The following ARHGEF4 variants were observed in gnomAD, a reference collection of about 807,000 sequenced individuals.
ARHGEF4 encodes APC-stimulated guanine nucleotide exchange factor 1.
In ARHGEF4, 119 loss-of-function variants were observed where a neutral mutation model predicts 162.0. The observed-to-expected ratio is 0.73, with a 90% CI of 0.63 to 0.86. The LOEUF is 0.86. Among genes scored for constraint, ARHGEF4 ranks in the 40% least tolerant of loss-of-function variants. ARHGEF4 has a pLI of 0.00. For missense variants in ARHGEF4, 2,488 were observed against 2,456.0 expected (o/e 1.01, Z -0.28); for synonymous variants, 1,014 against 979.9 (o/e 1.03, Z -0.65).
intron 1 of ARHGEF4, among the ~76,000 whole-genome samples, chr2:130,842,996 C>G (rs1680710430): frequency 6.6e-6 from 1 of 152,180 alleles, no homozygotes; most frequent in Admixed American, 6.5e-5. Context: ...TCTAGTGTCT[C>G]TTGTAGGCGG....
intron 1 of ARHGEF4, among the ~76,000 whole-genome samples, chr2:130,840,193 CACAG>C (rs1395374856): frequency 6.6e-6 from 1 of 152,102 alleles, no homozygotes; most frequent in Admixed American, 6.5e-5. Context: ...CAGGCACACA[CACAG>C]ACACACAGGT....
At chr2:130,856,724 A>G (rs1681812126) in intron 1 of ARHGEF4, among the ~76,000 whole-genome samples, 1 of 152,246 alleles carries the variant, frequency 6.6e-6, no homozygotes, top group Non-Finnish European at 1.5e-5. Context: ...TAATGGGTGC[A>G]GCACACCAAC....
chr2:130,906,366 T>G (rs1680812124), intron 1 of ARHGEF4, among the ~76,000 whole-genome samples: 1 of 152,248 alleles, frequency 6.6e-6, no homozygotes, highest in Non-Finnish European at 1.5e-5. Flanking sequence ...CACATATTTA[T>G]GTTGTTTCAT....
chr2:131,019,139 G>A (rs1005206921), intron 4 of ARHGEF4, among the ~76,000 whole-genome samples: 5 of 152,140 alleles, frequency 3.3e-5, no homozygotes, highest in Admixed American at 6.5e-5. Context: ...GGGGCTGGGC[G>A]CAGTGGCTCA....
chr2:130,984,152 G>T (rs913614092), intron 4 of ARHGEF4, among the ~76,000 whole-genome samples: 1 of 152,128 alleles, frequency 6.6e-6, no homozygotes, highest in Non-Finnish European at 1.5e-5. Context: ...TCTGGTGAAG[G>T]CTGTGAACCA....
intron 4 of ARHGEF4, among the ~76,000 whole-genome samples, chr2:130,968,887 C>T (rs956290027): frequency 6.6e-6 from 1 of 152,088 alleles, no homozygotes; most frequent in Admixed American, 6.6e-5. Flanking sequence ...CACTGCACTC[C>T]AGCCTGGGCA....
chr2:130,842,393 G>A (rs550087558), intron 1 of ARHGEF4, among the ~76,000 whole-genome samples: 2 of 152,316 alleles, frequency 1.3e-5, no homozygotes, highest in African/African-American at 4.8e-5. Flanking sequence ...TTTTGGTTCT[G>A]GGATATCTCA....
Position 131,041,406 on chromosome 2 carries a change from C to G in ARHGEF4, c.4839C>G (p.Ile1613Met). 6.2e-7 allele frequency: 1 copy of G among 1,613,360 alleles called. No homozygotes were observed. Among genetic ancestry groups the G allele is most frequent in the Non-Finnish European group, 8.5e-7 (1 of 1,180,032 alleles). The change falls in exon 9 of 14, where the codon ATC becomes ATG. Residue 1613 changes from isoleucine to methionine, a missense_variant. Transcript: ENST00000409359. ...TCCTGCTGACTCCGGTGCAGAAGAT[C>G]TGCAAGTACCCTCTGCAGCTGGCCG... ...DGFLLTPVQK[I>M]CKYPLQLAEL...
chr2:131,039,330 C>T (rs1690574811), intron 6 of ARHGEF4: 2 of 1,198,146 alleles, frequency 1.7e-6, no homozygotes, highest in African/African-American at 3.1e-5. Context: ...ATTTCCCAAG[C>T]CCTGAAGAGC....
At chr2:130,958,114 G>A (rs75493701) in intron 4 of ARHGEF4, among the ~76,000 whole-genome samples, 1 of 152,038 alleles carries the variant, frequency 6.6e-6, no homozygotes, top group Non-Finnish European at 1.5e-5. Flanking sequence ...ACTCTCATCA[G>A]TAACAGACGG....
intron 4 of ARHGEF4, among the ~76,000 whole-genome samples, chr2:130,982,489 T>TA (rs1244689985): frequency 6.6e-6 from 1 of 152,156 alleles, no homozygotes; most frequent in Non-Finnish European, 1.5e-5. Context: ...ACATGTGACT[T>TA]ACACAGATTA....
chr2:130,905,293 G>A (rs765678506), intron 1 of ARHGEF4, among the ~76,000 whole-genome samples: 10 of 151,912 alleles, frequency 6.6e-5, no homozygotes, highest in Non-Finnish European at 1.0e-4. Flanking sequence ...TCCGAGTGTT[G>A]AGCACAAGTC....
At chr2:131,045,980 G>C (rs1392192103) in intron 13 of ARHGEF4, 58 bp from the exon 14 acceptor site, 1 of 1,563,824 alleles carries the variant, frequency 6.4e-7, no homozygotes, top group Non-Finnish European at 8.7e-7. Context: ...GTCCCCAACA[G>C]CTGGGGTGGC....
At chr2:130,924,074 G>A (rs1373798377) in intron 2 of ARHGEF4, among the ~76,000 whole-genome samples, 1 of 151,380 alleles carries the variant, frequency 6.6e-6, no homozygotes, top group Non-Finnish European at 1.5e-5. Context: ...GTAGATACGG[G>A]GTTTCACCGT....
intron 1 of ARHGEF4, among the ~76,000 whole-genome samples, chr2:130,844,643 G>A (rs534989908): frequency 3.2e-4 from 48 of 152,116 alleles, no homozygotes; most frequent in African/African-American, 1.1e-3. Context: ...CCCTAGGTGG[G>A]TCCACTCTCC....
intron 1 of ARHGEF4, among the ~76,000 whole-genome samples, chr2:130,873,458 G>A (rs574217495): frequency 2.6e-5 from 4 of 151,888 alleles, no homozygotes; most frequent in Admixed American, 2.0e-4. Context: ...GCATGGTGGC[G>A]GGCACCTGTA....
intron 4 of ARHGEF4, among the ~76,000 whole-genome samples, chr2:131,007,987 A>G (rs1403549594): frequency 6.6e-6 from 1 of 150,936 alleles, no homozygotes; most frequent in East Asian, 1.9e-4. Context: ...TAATTTTTGT[A>G]TTTTTAGTAG....
chr2:130,950,690 C>T (rs571939962), intron 4 of ARHGEF4, among the ~76,000 whole-genome samples: 7 of 149,124 alleles, frequency 4.7e-5, no homozygotes, highest in African/African-American at 7.4e-5. Context: ...GCTATTACCC[C>T]CCACCACCAC....
chr2:131,035,390 G>C (rs1690185887), intron 5 of ARHGEF4: 1 of 900,732 alleles, frequency 1.1e-6, no homozygotes, highest in African/African-American at 1.8e-5. Flanking sequence ...CACTACCAGG[G>C]CCTGGTCCGG....
Sources: gnomAD v4.1 joint callset for allele counts (sites outside exome capture counted in the v4.1 genomes callset) on GRCh38, gnomAD v4.1.1 for gene constraint, MANE v1.5 for transcripts, NCBI Gene and HGNC (gene_info 2026-07-23, HGNC 2026-07-21) for gene names.